ROBO1: variants seen among roughly 807,000 people sequenced by gnomAD.
The protein encoded by ROBO1 is roundabout homolog 1.
A neutral mutation model predicts 195.9 loss-of-function variants in ROBO1; 149 were observed. That is an observed-to-expected ratio of 0.76 (90% CI 0.67 to 0.87). ROBO1 has a LOEUF of 0.87. Among genes scored for constraint, ROBO1 ranks in the 40% least tolerant of loss-of-function variants. The pLI, the probability that ROBO1 is intolerant of heterozygous loss-of-function variation, is 0.00. For missense variants in ROBO1, 1,933 were observed against 2,068.3 expected, an observed-to-expected ratio of 0.93 and a Z score of 1.27; for synonymous variants, 816 against 733.2, an observed-to-expected ratio of 1.11 and a Z score of -1.82.
Position 79,203,291 on chromosome 3 carries a change from C to T in ROBO1, c.89-77752G>A, listed in dbSNP as rs554896831. ...TATATCAAAGCCATCTTGCTGAGAG[C>T]GGTTTGTCTGGGAGCATAAAGTGCC... On this transcript the variant is annotated intron_variant, in intron 2 of 30. Coordinates refer to ENST00000464233, the MANE Select transcript of ROBO1 (RefSeq NM_002941.4). 3.9e-5 allele frequency among the ~76,000 whole-genome samples: 6 copies of T among 152,262 alleles called. No individual in the cohort carries two copies. In the South Asian group the frequency reaches 8.3e-4, roughly 21 times the overall value.
intron 1 of ROBO1, among the ~76,000 whole-genome samples, chr3:79,605,923 C>T (rs1944466443): frequency 6.6e-6 from 1 of 151,510 alleles, no homozygotes; most frequent in Non-Finnish European, 1.5e-5. Context: ...AAAACACGCT[C>T]AGTGTAATAT....
intron 4 of ROBO1, among the ~76,000 whole-genome samples, chr3:78,774,123 T>C (rs2083445434): frequency 6.6e-6 from 1 of 152,182 alleles, no homozygotes; most frequent in Non-Finnish European, 1.5e-5. Flanking sequence ...ATATGTGAAA[T>C]TCCTCCAAGT....
At position 78,617,981 on chromosome 3, in the gene ROBO1, G is replaced by A; in HGVS notation, c.3936C>T (p.Gly1312=). The change falls in exon 27 of 31, where the codon GGC becomes GGT. Residue 1312 remains glycine (G), a synonymous_variant. Coordinates refer to ENST00000464233, the MANE Select transcript of ROBO1 (RefSeq NM_002941.4). ...CTGAGACCAGGGGTCCTGAAATGTA[G>A]CCATAGGTATGTGGAGGGGAGATCG... ...PRPISPPHTY[G]YISGPLVSDM... The A allele has an allele frequency of 6.2e-7, 1 of 1,613,970 alleles. No individual in the cohort carries two copies. Among genetic ancestry groups the A allele is most frequent in the South Asian group, 1.1e-5 (1 of 91,084 alleles).
At chr3:79,541,893 G>A (rs2107644042) in intron 2 of ROBO1, among the ~76,000 whole-genome samples, 1 of 150,888 alleles carries the variant, frequency 6.6e-6, no homozygotes, top group East Asian at 1.9e-4. Context: ...AGTTCAAAAT[G>A]TTCCTTACAT....
At chr3:79,357,121 T>C (rs1472134289) in intron 2 of ROBO1, among the ~76,000 whole-genome samples, 2 of 152,120 alleles carry the variant, frequency 1.3e-5, no homozygotes, top group African/African-American at 4.8e-5. Context: ...AAGGCCCAAA[T>C]GGTACATTGA....
At chr3:79,429,992 T>TTC (rs1222613942) in intron 2 of ROBO1, among the ~76,000 whole-genome samples, 1 of 151,968 alleles carries the variant, frequency 6.6e-6, no homozygotes, top group Non-Finnish European at 1.5e-5. Context: ...CAACTAACTT[T>TTC]TCTCTCTCTC....
At chr3:79,477,306 C>G (rs774359996) in intron 2 of ROBO1, among the ~76,000 whole-genome samples, 47 of 152,262 alleles carry the variant, frequency 3.1e-4, no homozygotes, top group Non-Finnish European at 4.0e-4. Flanking sequence ...CCCTGAACAG[C>G]TTAAAATGGA....
chr3:79,629,353 C>T (rs1283838011), intron 1 of ROBO1, among the ~76,000 whole-genome samples: 1 of 151,974 alleles, frequency 6.6e-6, no homozygotes, highest in Non-Finnish European at 1.5e-5. Context: ...GAGGAACCCT[C>T]AAAACTATAC....
intron 3 of ROBO1, among the ~76,000 whole-genome samples, chr3:79,014,032 T>TA (rs540005647): frequency 9.9e-5 from 15 of 151,600 alleles, no homozygotes; most frequent in Admixed American, 3.3e-4. Flanking sequence ...ATATGTAGCT[T>TA]AAAAAAAAAC....
At chr3:79,566,495 G>T (rs562429560) in intron 2 of ROBO1, among the ~76,000 whole-genome samples, 1 of 152,228 alleles carries the variant, frequency 6.6e-6, no homozygotes, top group South Asian at 2.1e-4. Context: ...GAGGGACAGT[G>T]ATATCAGCAA....
chr3:79,741,330 C>T (rs776109155), intron 1 of ROBO1, among the ~76,000 whole-genome samples: 11 of 152,092 alleles, frequency 7.2e-5, no homozygotes, highest in Non-Finnish European at 1.5e-4. Flanking sequence ...ATGTGTTTCT[C>T]CTGGTTCTTC....
Position 79,378,055 on chromosome 3 carries a change from A to AAT in ROBO1, c.88+211767_88+211768dup, listed in dbSNP as rs201317299. Among the ~76,000 whole-genome samples, 1,416 of 151,338 alleles carry AAT rather than the reference A, an allele frequency of 9.4e-3. 11 individuals are homozygous for AAT. The highest frequency in any genetic ancestry group is 0.016 in the Non-Finnish European group (1,090 of 67,862). On this transcript the variant is annotated intron_variant, in intron 2 of 30. Transcript: ENST00000464233. ...CCACCACTGTCCCTTTTTAACCTCC[A>AAT]ATATATATATACTCAATATTTTTAT...
chr3:79,594,681 T>C (rs1944108010), intron 1 of ROBO1, among the ~76,000 whole-genome samples: 1 of 151,950 alleles, frequency 6.6e-6, no homozygotes, highest in Non-Finnish European at 1.5e-5. Context: ...CTTTCTGAAG[T>C]GTAAAATGTG....
chr3:78,647,568 C>A (rs894474554), intron 20 of ROBO1, 61 bp downstream of exon 20: 1 of 1,474,998 alleles, frequency 6.8e-7, no homozygotes, highest in Non-Finnish European at 9.5e-7. Context: ...AACAGAAACA[C>A]AATAGTGGAA....
chr3:79,175,881 T>C (rs2081254759), intron 2 of ROBO1, among the ~76,000 whole-genome samples: 1 of 152,218 alleles, frequency 6.6e-6, no homozygotes, highest in Non-Finnish European at 1.5e-5. Flanking sequence ...ATACATGTTG[T>C]ATGAATTGTA....
intron 2 of ROBO1, among the ~76,000 whole-genome samples, chr3:79,539,690 T>C (rs564662110): frequency 3.2e-4 from 49 of 152,226 alleles, no homozygotes; most frequent in African/African-American, 1.1e-3. Context: ...CTTTGAACTT[T>C]ATATTAGAAT....
chr3:79,476,952 GA>G (rs531623119), intron 2 of ROBO1, among the ~76,000 whole-genome samples: 4 of 151,162 alleles, frequency 2.6e-5, no homozygotes, highest in South Asian at 2.1e-4. Context: ...TTAAGTTGAA[GA>G]AAAAAATTTG....
chr3:78,832,022 A>AATG (rs201619484), intron 4 of ROBO1, among the ~76,000 whole-genome samples: 2,597 of 152,312 alleles, frequency 0.017, 35 homozygotes, highest in Non-Finnish European at 0.027. Context: ...GGTATGAGGA[A>AATG]ATGATAAATG....
At chr3:79,211,751 G>C (rs901771357) in intron 2 of ROBO1, among the ~76,000 whole-genome samples, 2 of 152,152 alleles carry the variant, frequency 1.3e-5, no homozygotes, top group African/African-American at 2.4e-5. Context: ...GATCAGAACA[G>C]CTGCTTCCTT....
Sources: gnomAD v4.1 joint callset for allele counts (sites outside exome capture counted in the v4.1 genomes callset) on GRCh38, gnomAD v4.1.1 for gene constraint, MANE v1.5 for transcripts, NCBI Gene and HGNC (gene_info 2026-07-23, HGNC 2026-07-21) for gene names.